The following SEC24B variants were observed in gnomAD, a reference collection of about 807,000 sequenced individuals.
SEC24B encodes the protein protein transport protein Sec24B.
In SEC24B, 45 loss-of-function variants were observed where a neutral mutation model predicts 142.8. That is an observed-to-expected ratio of 0.32 (90% CI 0.25 to 0.40). SEC24B has a LOEUF of 0.40. Ranked by LOEUF, SEC24B falls within the 10% of genes least tolerant of loss-of-function variation. The pLI is 1.00. For missense variants in SEC24B, 1,409 were observed against 1,526.8 expected (o/e 0.92, Z 1.29); for synonymous variants, 574 against 568.2 (o/e 1.01, Z -0.15).
rs546231204 is a variant in SEC24B, at chr4:109,439,980, CGT to C, written c.133+5980_133+5981del. Among the ~76,000 whole-genome samples the C allele has an allele frequency of 2.6e-3, 401 of 151,600 alleles. 3 individuals carry two copies. Among genetic ancestry groups the C allele is most frequent in the African/African-American group, 9.1e-3 (376 of 41,372 alleles). The stretch of plus-strand genomic sequence containing the variant: ...ACTAAAAATACAAAAATTAGCCAGG[CGT>C]GGTGGCAGGTGCCTGTAATCCCAGC... On this transcript the variant is annotated intron_variant, in intron 1 of 23. Coordinates refer to ENST00000265175, the MANE Select transcript of SEC24B (RefSeq NM_006323.5).
chr4:109,521,375 C>G, intron 13 of SEC24B, 45 bp from the exon 14 acceptor site: 1 of 1,481,504 alleles, frequency 6.7e-7, no homozygotes, highest in Non-Finnish European at 9.4e-7. Context: ...TAAGATTATT[C>G]CTTTGCCTTC....
At chr4:109,438,310 G>A (rs1728604000) in intron 1 of SEC24B, among the ~76,000 whole-genome samples, 1 of 152,018 alleles carries the variant, frequency 6.6e-6, no homozygotes, top group South Asian at 2.1e-4. Flanking sequence ...TTGTCTGTTT[G>A]TTTATTTATT....
chr4:109,461,510 GAAT>G (rs1731253752), intron 1 of SEC24B, among the ~76,000 whole-genome samples: 1 of 152,078 alleles, frequency 6.6e-6, no homozygotes, highest in African/African-American at 2.4e-5. Context: ...ATTTTTAAAA[GAAT>G]AATGAGGATT....
At chr4:109,496,366 G>A (rs919827408) in intron 6 of SEC24B, among the ~76,000 whole-genome samples, 1 of 152,158 alleles carries the variant, frequency 6.6e-6, no homozygotes, top group Non-Finnish European at 1.5e-5. Flanking sequence ...GCCTGCCTCG[G>A]CCTCCCAAAG....
chr4:109,459,220 A>T (rs1340508372), intron 1 of SEC24B, among the ~76,000 whole-genome samples: 1 of 152,180 alleles, frequency 6.6e-6, no homozygotes, highest in Non-Finnish European at 1.5e-5. Context: ...GAATAGGGGG[A>T]AAACACTGAG....
chr4:109,454,653 C>T (rs1321306152), intron 1 of SEC24B, among the ~76,000 whole-genome samples: 2 of 152,214 alleles, frequency 1.3e-5, no homozygotes, highest in African/African-American at 2.4e-5. Flanking sequence ...CTCTCAGTCC[C>T]GTTCTCCCCT....
chr4:109,479,336 T>A (rs1030288438), intron 3 of SEC24B, among the ~76,000 whole-genome samples: 1 of 152,208 alleles, frequency 6.6e-6, no homozygotes, highest in East Asian at 1.9e-4. Flanking sequence ...AGCTACTCCA[T>A]GTACATACAT....
chr4:109,483,040 A>ATATGTATT (rs1193866296), intron 4 of SEC24B, among the ~76,000 whole-genome samples: 1 of 82,970 alleles, frequency 1.2e-5, no homozygotes, highest in East Asian at 2.5e-4. Context: ...GTATTTATAT[A>ATATGTATT]TATGTATTTA....
chr4:109,532,842 AAGGTGAATT>A (rs1291741370), intron 21 of SEC24B, 99 bp downstream of exon 21: 2 of 619,572 alleles, frequency 3.2e-6, no homozygotes, highest in African/African-American at 3.7e-5. Flanking sequence ...CAAGTAGTGA[AAGGTGAATT>A]AGGATTAGGA....
At position 109,463,621 on chromosome 4, in the gene SEC24B, C is replaced by A; in HGVS notation, c.854C>A (p.Ala285Glu). ...IRNHTGSLAV[A>E]NNNPTITVAD... ...AACCACACAGGATCCCTGGCTGTAG[C>A]GAACAACAACCCAACCATTACTGGT... The change falls in exon 2 of 24, where the codon GCG becomes GAG. Residue 285 changes from alanine to glutamate, a missense_variant. Ala to Glu is a moderately radical substitution (Grantham distance 107). Coordinates refer to ENST00000265175, the MANE Select transcript of SEC24B (RefSeq NM_006323.5). 6.2e-7 allele frequency: 1 copy of A among 1,613,274 alleles called. No homozygotes were observed.
At chr4:109,538,109 A>T (rs1725757802) in intron 22 of SEC24B, among the ~76,000 whole-genome samples, 1 of 152,214 alleles carries the variant, frequency 6.6e-6, no homozygotes, top group African/African-American at 2.4e-5. Context: ...TTAGAATAGG[A>T]TATAATCATA....
At chr4:109,460,668 A>G (rs983632294) in intron 1 of SEC24B, among the ~76,000 whole-genome samples, 3 of 151,992 alleles carry the variant, frequency 2.0e-5, no homozygotes, top group Non-Finnish European at 4.4e-5. Context: ...TCACTTATTG[A>G]TAAATGGGTA....
chr4:109,511,911 C>T, intron 8 of SEC24B, 46 bp from the exon 9 acceptor site: 1 of 1,600,762 alleles, frequency 6.2e-7, no homozygotes, highest in East Asian at 2.2e-5. Flanking sequence ...TCTGTTTTTC[C>T]TTGGGGTGCC....
At chr4:109,496,195 C>T (rs1270231113) in intron 6 of SEC24B, among the ~76,000 whole-genome samples, 1 of 151,998 alleles carries the variant, frequency 6.6e-6, no homozygotes, top group East Asian at 1.9e-4. Flanking sequence ...TCACTGCAAC[C>T]TCCGCCTACT....
At chr4:109,482,936 C>CTATATATATATATATATATATA (rs775978447) in intron 4 of SEC24B, among the ~76,000 whole-genome samples, 1 of 34,598 alleles carries the variant, frequency 2.9e-5, no homozygotes, top group Non-Finnish European at 6.0e-5. Context: ...CAGGCTTGTA[C>CTATATATATATATATATATATA]TATATATATA....
intron 1 of SEC24B, among the ~76,000 whole-genome samples, chr4:109,436,001 G>A (rs1561050447): frequency 6.6e-6 from 1 of 152,204 alleles, no homozygotes; most frequent in Non-Finnish European, 1.5e-5. Context: ...AGAGGGTGCT[G>A]GGTGGCATGG....
chr4:109,454,528 A>G (rs1236110879), intron 1 of SEC24B, among the ~76,000 whole-genome samples: 2 of 148,914 alleles, frequency 1.3e-5, no homozygotes, highest in East Asian at 3.9e-4. Flanking sequence ...ACAGAGCAAG[A>G]TTCTGTCTCC....
chr4:109,493,948 A>C (rs978564681), intron 5 of SEC24B, among the ~76,000 whole-genome samples: 1 of 152,154 alleles, frequency 6.6e-6, no homozygotes, highest in Non-Finnish European at 1.5e-5. Context: ...CAAATAATGC[A>C]TATTTTTAGG....
intron 6 of SEC24B, among the ~76,000 whole-genome samples, chr4:109,498,532 T>G (rs927723329): frequency 7.9e-5 from 12 of 152,008 alleles, no homozygotes; most frequent in Non-Finnish European, 1.5e-4. Context: ...GCCCAGCTAA[T>G]TTTTTGTATT....
Sources: allele counts gnomAD v4.1 joint callset (sites outside exome capture counted in the v4.1 genomes callset), GRCh38; gene constraint gnomAD v4.1.1; transcripts MANE v1.5; gene names NCBI Gene and HGNC (gene_info 2026-07-23, HGNC 2026-07-21).